The following ERLN variants were observed in gnomAD, a reference collection of about 807,000 sequenced individuals.
The protein encoded by ERLN is endoregulin.
chr17:75,647,615 C>T, the ERLN span: 109 of 1,526,240 alleles, frequency 7.1e-5, no homozygotes, highest in African/African-American at 1.1e-3. Context: ...AGCTGACCTG[C>T]CCCCATTCCA....
At chr17:75,646,999 CAG>C in the ERLN span, among the ~76,000 whole-genome samples, 8 of 152,342 alleles carry the variant, frequency 5.3e-5, no homozygotes, top group South Asian at 6.2e-4. Context: ...GCAGGAAAAA[CAG>C]GGAGACTCTA....
chr17:75,647,576 T>C, the ERLN span: 1 of 1,549,702 alleles, frequency 6.5e-7, no homozygotes, highest in Non-Finnish European at 8.7e-7. Flanking sequence ...CCTGACTTGC[T>C]GGGGACTGAG....
chr17:75,647,550 G>T, the ERLN span: 1 of 1,550,146 alleles, frequency 6.5e-7, no homozygotes, highest in African/African-American at 1.4e-5. Context: ...AGTGTGAAGC[G>T]GGTGAAGAGG....
chr17:75,647,814 A>C, the ERLN span: 2 of 441,832 alleles, frequency 4.5e-6, no homozygotes, highest in Non-Finnish European at 4.2e-6. Flanking sequence ...CCCGACCAGA[A>C]CCCTAAAAGC....
At chr17:75,647,314 C>T in the ERLN span, 16 of 1,451,834 alleles carry the variant, frequency 1.1e-5, no homozygotes, top group Non-Finnish European at 1.5e-5. Flanking sequence ...AGCATAGCAC[C>T]TGGGACAGGG....
chr17:75,647,583 T>C, the ERLN span: 2 of 1,549,166 alleles, frequency 1.3e-6, no homozygotes, highest in Non-Finnish European at 1.7e-6. Context: ...TGCTGGGGAC[T>C]GAGATGGCAG....
At chr17:75,647,689 T>A in the ERLN span, 2 of 897,036 alleles carry the variant, frequency 2.2e-6, no homozygotes, top group Admixed American at 2.7e-5. Context: ...TCCTTTCCCA[T>A]CAGGAAAAAG....
chr17:75,647,179 G>A, the ERLN span, among the ~76,000 whole-genome samples: 2 of 152,210 alleles, frequency 1.3e-5, no homozygotes, highest in East Asian at 1.9e-4. Flanking sequence ...CTAGAGCGGG[G>A]GAAATGCCAT....
At chr17:75,646,937 C>G in the ERLN span, among the ~76,000 whole-genome samples, 1 of 152,206 alleles carries the variant, frequency 6.6e-6, no homozygotes, top group Non-Finnish European at 1.5e-5. Context: ...GTTGGCCCCT[C>G]CTCGGCTCCT....
chr17:75,647,445 G>A, the ERLN span: 4 of 1,550,126 alleles, frequency 2.6e-6, no homozygotes, highest in African/African-American at 2.7e-5. Flanking sequence ...GGGACCAGGG[G>A]GGCCTGGCAG....
At chr17:75,647,528 C>G in the ERLN span, 1 of 1,550,352 alleles carries the variant, frequency 6.5e-7, no homozygotes, top group South Asian at 1.2e-5. Flanking sequence ...CTCACTTCCA[C>G]AGAAAACACT....
At chr17:75,647,278 C>A in the ERLN span, 1 of 1,113,776 alleles carries the variant, frequency 9.0e-7, no homozygotes. Flanking sequence ...ACAGAGGCTG[C>A]TACAGAGGCT....
At chr17:75,646,973 A>C in the ERLN span, among the ~76,000 whole-genome samples, 3 of 152,132 alleles carry the variant, frequency 2.0e-5, no homozygotes, top group Admixed American at 2.0e-4. Context: ...TGCCTCCCAA[A>C]TGTTTGGCAG....
chr17:75,646,831 A>T, the ERLN span: 1 of 152,812 alleles, frequency 6.5e-6, no homozygotes, highest in East Asian at 1.9e-4. Context: ...TCACCTGGCT[A>T]TGGGCTTGCA....
chr17:75,647,172 GA>G, the ERLN span, among the ~76,000 whole-genome samples: 2 of 152,198 alleles, frequency 1.3e-5, no homozygotes, highest in African/African-American at 4.8e-5. Context: ...CCTGTATCTA[GA>G]GCGGGGGAAA....
the ERLN span, chr17:75,647,422 T>C: frequency 6.5e-7 from 1 of 1,550,036 alleles, no homozygotes; most frequent in Non-Finnish European, 8.7e-7. Context: ...TGATGCGTTC[T>C]GGCAGAACCC....
chr17:75,647,598 G>A, the ERLN span: 1 of 1,545,548 alleles, frequency 6.5e-7, no homozygotes, highest in African/African-American at 1.4e-5. Flanking sequence ...TGGCAGCAGG[G>A]GAGGCGAGCT....
chr17:75,647,505 C>T, the ERLN span: 270 of 1,550,372 alleles, frequency 1.7e-4, no homozygotes, highest in Non-Finnish European at 5.5e-5. Flanking sequence ...TATTTGCCAT[C>T]GTGTTTGGTT....
chr17:75,647,574 G>T, the ERLN span: 2 of 1,549,558 alleles, frequency 1.3e-6, no homozygotes, highest in African/African-American at 1.4e-5. Context: ...GACCTGACTT[G>T]CTGGGGACTG....
Sources: allele counts gnomAD v4.1 joint callset (sites outside exome capture counted in the v4.1 genomes callset), GRCh38; gene constraint gnomAD v4.1.1; transcripts MANE v1.5; gene names NCBI Gene and HGNC (gene_info 2026-07-23, HGNC 2026-07-21).